The following EFCAB5 variants were observed in gnomAD, a reference collection of about 807,000 sequenced individuals.
The protein encoded by EFCAB5 is EF-hand calcium-binding domain-containing protein 5.
Under a neutral mutation model 167.9 loss-of-function variants are expected in EFCAB5, and 131 were observed. The ratio of observed to expected loss-of-function variants is 0.78; its 90% CI spans 0.68 to 0.90. The LOEUF (loss-of-function observed/expected upper bound fraction) is 0.90, where lower values mean the gene tolerates loss of function less well. Ranked by LOEUF, EFCAB5 falls within the 40% of genes least tolerant of loss-of-function variation. The pLI is 0.00. For synonymous variants in EFCAB5, 574 were observed against 602.8 expected (o/e 0.95, Z 0.70); for missense variants, 1,663 against 1,745.2 (o/e 0.95, Z 0.84).
intron 3 of EFCAB5, among the ~76,000 whole-genome samples, chr17:29,957,334 A>G (rs924971925): frequency 2.6e-5 from 4 of 151,684 alleles, no homozygotes; most frequent in Admixed American, 1.3e-4. Context: ...TTTTTATTTT[A>G]TTTTAAGTTC....
intron 3 of EFCAB5, among the ~76,000 whole-genome samples, chr17:29,962,983 C>T (rs1281745409): frequency 2.0e-5 from 3 of 152,064 alleles, no homozygotes. Context: ...CTTTCTGTCT[C>T]CCAGACCAGA....
chr17:29,958,339 G>C (rs1303976617), intron 3 of EFCAB5, among the ~76,000 whole-genome samples: 1 of 151,826 alleles, frequency 6.6e-6, no homozygotes, highest in Non-Finnish European at 1.5e-5. Context: ...CTTTTTTATA[G>C]TTTTGTCTCC....
intron 7 of EFCAB5, among the ~76,000 whole-genome samples, chr17:30,033,313 T>C (rs1057396383): frequency 6.6e-5 from 10 of 151,980 alleles, no homozygotes; most frequent in Non-Finnish European, 1.3e-4. Context: ...CTCCTGACCT[T>C]GTGATCCGCC....
intron 7 of EFCAB5, among the ~76,000 whole-genome samples, chr17:30,006,487 T>G (rs1483565035): frequency 6.6e-6 from 1 of 152,200 alleles, no homozygotes; most frequent in African/African-American, 2.4e-5. Context: ...AACTTAATTT[T>G]TTCCCCCTAA....
chr17:30,080,709 C>A, intron 16 of EFCAB5, 44 bp from the exon 17 acceptor site: 1 of 1,396,940 alleles, frequency 7.2e-7, no homozygotes, highest in Non-Finnish European at 9.9e-7. Flanking sequence ...TAATCTAAAT[C>A]TCTCCCTGTG....
intron 7 of EFCAB5, among the ~76,000 whole-genome samples, chr17:30,010,166 A>G (rs1041068692): frequency 3.3e-5 from 5 of 152,142 alleles, no homozygotes; most frequent in African/African-American, 1.2e-4. Flanking sequence ...ATAGTATTCC[A>G]TGGTATATAT....
intron 3 of EFCAB5, among the ~76,000 whole-genome samples, chr17:29,946,848 T>A (rs1390577000): frequency 6.6e-6 from 1 of 152,182 alleles, no homozygotes; most frequent in Admixed American, 6.5e-5. Flanking sequence ...AAAAGACACC[T>A]GCATATGTAT....
At chr17:29,937,203 A>AT (rs940056892), upstream of EFCAB5, among the ~76,000 whole-genome samples, 187 of 148,816 alleles carry the variant, frequency 1.3e-3, no homozygotes, top group African/African-American at 3.3e-3. Flanking sequence ...TTATTTATTT[A>AT]TTTTTTTTTT....
At position 30,057,881 on chromosome 17, in the gene EFCAB5, C is replaced by G. The variant is rs2151792357; in HGVS notation, c.2571C>G (p.Ala857=). 1 of 1,612,378 alleles carries G rather than the reference C, an allele frequency of 6.2e-7. No homozygotes were observed. The highest frequency in any genetic ancestry group is 1.1e-5 in the South Asian group (1 of 90,858). ...YVETEQEKMN[A]LEQFSQNAFQ... Reference sequence around the variant, plus strand: ...AAACAGAACAAGAGAAAATGAATGCCTTAGAACAGGTGGGTAATATTATTT... The same window carrying G: ...AAACAGAACAAGAGAAAATGAATGCGTTAGAACAGGTGGGTAATATTATTT... Residue 857 remains alanine, a synonymous_variant, in exon 13 of 23, where the codon GCC becomes GCG. Coordinates refer to ENST00000394835, the MANE Select transcript of EFCAB5 (RefSeq NM_198529.4).
rs142282390 is a variant in EFCAB5 at position 30,048,377 on chromosome 17, C to CA, written c.1201-2735dup. On this transcript the variant is annotated intron_variant, in intron 8 of 22. Transcript: ENST00000394835. ...AAAATACATAATCATATAACAAAAA[C>CA]AAAAAACTCCACAGAGATAGATATG... Among the ~76,000 whole-genome samples the CA allele has an allele frequency of 6.4e-3, 975 of 151,350 alleles. 8 individuals are homozygous for CA. Among genetic ancestry groups the CA allele is most frequent in the African/African-American group, 0.023 (933 of 41,268 alleles).
intron 7 of EFCAB5, among the ~76,000 whole-genome samples, chr17:30,013,947 T>C (rs539565733): frequency 6.6e-6 from 1 of 152,370 alleles, no homozygotes; most frequent in African/African-American, 2.4e-5. Context: ...TTTAGTGCTA[T>C]AAATTTCCCT....
chr17:29,992,887 AC>A (rs1299451454), intron 4 of EFCAB5, among the ~76,000 whole-genome samples: 1 of 152,200 alleles, frequency 6.6e-6, no homozygotes, highest in Non-Finnish European at 1.5e-5. Flanking sequence ...CAATGGTTGT[AC>A]TAATTCACAT....
intron 3 of EFCAB5, among the ~76,000 whole-genome samples, chr17:29,944,550 G>A (rs1281324425): frequency 6.6e-6 from 1 of 151,774 alleles, no homozygotes; most frequent in African/African-American, 2.4e-5. Flanking sequence ...CAGTGATTTG[G>A]GCTGCTTATT....
At chr17:29,976,571 T>TA (rs1485086932) in intron 4 of EFCAB5, among the ~76,000 whole-genome samples, 1 of 152,152 alleles carries the variant, frequency 6.6e-6, no homozygotes, top group African/African-American at 2.4e-5. Context: ...TACCCAGCAA[T>TA]ATTAGTAAAA....
chr17:30,103,474 T>C (rs1460044856), intron 22 of EFCAB5, among the ~76,000 whole-genome samples: 2 of 152,152 alleles, frequency 1.3e-5, no homozygotes, highest in Non-Finnish European at 2.9e-5. Flanking sequence ...ATGCTTGCCA[T>C]GGGAATGAAA....
chr17:30,094,591 G>GAGATCACTT (rs2151852288), intron 22 of EFCAB5, among the ~76,000 whole-genome samples: 1 of 152,062 alleles, frequency 6.6e-6, no homozygotes, highest in South Asian at 2.1e-4. Flanking sequence ...GCTGAGGTGG[G>GAGATCACTT]AGATCACTTG....
chr17:29,930,132 G>T lies in EFCAB5; in HGVS notation c.-127+803G>T, dbSNP rs1442074398. The T allele has an allele frequency of 4.8e-6, 4 of 832,444 alleles. No individual in the cohort carries two copies. In the African/African-American group the frequency reaches 6.8e-5, roughly 14 times the overall value. The allele number at this position is 832,444 out of a possible 1,614,324, so 51.6% of individuals were successfully genotyped here. Reference sequence around the variant, plus strand: ...GGAACGGGGAGGAGGAGGAGGCCGCGGGAACGGCCGCAGACTCCGCACCCA... The same window carrying T: ...GGAACGGGGAGGAGGAGGAGGCCGCTGGAACGGCCGCAGACTCCGCACCCA... On this transcript the variant is annotated intron_variant, in intron 1 of 3. Coordinates refer to the EFCAB5 transcript ENST00000448319.
chr17:29,956,480 G>A (rs755851484), intron 3 of EFCAB5, among the ~76,000 whole-genome samples: 5 of 152,238 alleles, frequency 3.3e-5, no homozygotes, highest in Admixed American at 2.0e-4. Context: ...GGTTTGAACA[G>A]CTGACTGTCT....
At chr17:29,941,386 C>T (rs1043518064), upstream of EFCAB5, among the ~76,000 whole-genome samples, 3 of 152,148 alleles carry the variant, frequency 2.0e-5, no homozygotes, top group African/African-American at 7.2e-5. Context: ...TCTCTATCTA[C>T]CTTTCTTGCA....
Sources: gnomAD v4.1 joint callset for allele counts (sites outside exome capture counted in the v4.1 genomes callset) on GRCh38, gnomAD v4.1.1 for gene constraint, MANE v1.5 for transcripts, NCBI Gene and HGNC (gene_info 2026-07-23, HGNC 2026-07-21) for gene names.